CHRM2: variants seen among roughly 807,000 people sequenced by gnomAD.
The protein encoded by CHRM2 is muscarinic acetylcholine receptor M2.
A neutral mutation model predicts 25.0 loss-of-function variants in CHRM2; 8 were observed. That is an observed-to-expected ratio of 0.32 (90% CI 0.19 to 0.58). The LOEUF (loss-of-function observed/expected upper bound fraction) is 0.58, where lower values mean the gene tolerates loss of function less well. Ranked by LOEUF, CHRM2 falls within the 20% of genes least tolerant of loss-of-function variation. CHRM2 has a pLI of 0.88. For missense variants in CHRM2, 440 were observed against 567.1 expected (o/e 0.78, Z 2.28); for synonymous variants, 202 against 205.7 (o/e 0.98, Z 0.15).
chr7:136,906,984 A>T (rs750176251), intron 2 of CHRM2: 2 of 154,100 alleles, frequency 1.3e-5, no homozygotes, highest in Non-Finnish European at 2.9e-5. Flanking sequence ...GATGGGAGAC[A>T]GTGACAGGTC....
At chr7:137,004,042 G>A (rs140364426) in intron 3 of CHRM2, among the ~76,000 whole-genome samples, 3 of 152,140 alleles carry the variant, frequency 2.0e-5, no homozygotes, top group African/African-American at 4.8e-5. Context: ...TAAGTTACAC[G>A]GTCTTGGGTA....
At chr7:136,948,147 G>A (rs959056133) in intron 2 of CHRM2, among the ~76,000 whole-genome samples, 1 of 152,094 alleles carries the variant, frequency 6.6e-6, no homozygotes, top group Non-Finnish European at 1.5e-5. Context: ...CAAAGAGCCA[G>A]TGGCCCACAT....
chr7:136,900,922 T>G (rs1454480036), intron 2 of CHRM2, among the ~76,000 whole-genome samples: 2 of 151,978 alleles, frequency 1.3e-5, no homozygotes, highest in African/African-American at 4.8e-5. Context: ...ACCAAGAATG[T>G]GAGCTACACA....
intron 3 of CHRM2, among the ~76,000 whole-genome samples, chr7:136,998,416 G>T (rs1443681254): frequency 6.6e-6 from 1 of 152,118 alleles, no homozygotes; most frequent in African/African-American, 2.4e-5. Flanking sequence ...GATACACAGG[G>T]TACAGTATTT....
chr7:136,950,788 G>A (rs901384516), intron 2 of CHRM2, among the ~76,000 whole-genome samples: 2 of 150,512 alleles, frequency 1.3e-5, no homozygotes, highest in African/African-American at 2.5e-5. Flanking sequence ...CCAACCTGTT[G>A]TTGTTGTTGT....
At chr7:136,928,996 T>G (rs1798901570) in intron 2 of CHRM2, among the ~76,000 whole-genome samples, 1 of 152,192 alleles carries the variant, frequency 6.6e-6, no homozygotes, top group Non-Finnish European at 1.5e-5. Flanking sequence ...TGGTTATTGC[T>G]GTTGATCCAG....
chr7:136,928,103 T>G (rs1296394366), intron 2 of CHRM2, among the ~76,000 whole-genome samples: 1 of 152,094 alleles, frequency 6.6e-6, no homozygotes, highest in Admixed American at 6.6e-5. Context: ...ATTAAATGTA[T>G]AAGAACATTA....
At chr7:136,978,720 G>A (rs759983835) in intron 2 of CHRM2, among the ~76,000 whole-genome samples, 5 of 152,112 alleles carry the variant, frequency 3.3e-5, no homozygotes, top group Non-Finnish European at 5.9e-5. Flanking sequence ...CTGTTTCTGT[G>A]TTAGTTTGCT....
chr7:137,007,869 A>T (rs1365790998), intron 3 of CHRM2, among the ~76,000 whole-genome samples: 7 of 152,128 alleles, frequency 4.6e-5, no homozygotes, highest in Non-Finnish European at 1.0e-4. Context: ...TCCTTAAATA[A>T]GTCTCTCCAC....
intron 2 of CHRM2, among the ~76,000 whole-genome samples, chr7:136,887,855 T>C (rs1217353284): frequency 6.6e-6 from 1 of 152,196 alleles, no homozygotes; most frequent in Non-Finnish European, 1.5e-5. Flanking sequence ...TGTGTCCCCA[T>C]TTTACATTTG....
intron 2 of CHRM2, among the ~76,000 whole-genome samples, chr7:136,929,153 T>C (rs1213339999): frequency 2.0e-5 from 3 of 152,184 alleles, no homozygotes; most frequent in Non-Finnish European, 4.4e-5. Context: ...TATTGACTTA[T>C]CTTCTGGAAG....
intron 2 of CHRM2, among the ~76,000 whole-genome samples, chr7:136,959,917 C>A (rs562928881): frequency 6.6e-6 from 1 of 152,076 alleles, no homozygotes; most frequent in South Asian, 2.1e-4. Context: ...GTCCAAAAAA[C>A]AAAAACAAAA....
chr7:137,015,924 T>C lies in CHRM2; in HGVS notation c.1059T>C (p.Asn353=), dbSNP rs143722099. 54 of 1,612,994 alleles carry C rather than the reference T, an allele frequency of 3.3e-5. No individual in the cohort carries two copies. The African/African-American group carries it at 6.9e-4, about 21-fold the overall frequency. ...AGGTAGTGGGGTCTTCAGGTCAGAATGGAGATGAAAAGCAGAATATTGTAG... is the reference window on the plus strand; with the variant it reads ...AGGTAGTGGGGTCTTCAGGTCAGAACGGAGATGAAAAGCAGAATATTGTAG... ...TVEVVGSSGQ[N]GDEKQNIVAR... is the part of the protein sequence containing the mutation. Residue 353 remains asparagine (N), a synonymous_variant, in exon 4 of 4, where the codon AAT becomes AAC. Coordinates refer to ENST00000680005, the MANE Select transcript of CHRM2 (RefSeq NM_001006630.2). This position sits in a 1 kb window ranked among gnomAD's most constrained non-coding sequence, Gnocchi z 5.1.
At chr7:136,966,489 A>G (rs115912498) in intron 2 of CHRM2, among the ~76,000 whole-genome samples, 1 of 152,058 alleles carries the variant, frequency 6.6e-6, no homozygotes, top group African/African-American at 2.4e-5. Flanking sequence ...TCCTTTGAAT[A>G]AGGAGTAGGT....
intron 2 of CHRM2, among the ~76,000 whole-genome samples, chr7:136,883,246 G>A (rs1796335459): frequency 6.6e-6 from 1 of 152,120 alleles, no homozygotes; most frequent in African/African-American, 2.4e-5. Flanking sequence ...GAAGGTTTTG[G>A]CATCTTTCCC....
intron 2 of CHRM2, among the ~76,000 whole-genome samples, chr7:136,881,749 T>C (rs1796274132): frequency 6.6e-6 from 1 of 152,068 alleles, no homozygotes. Flanking sequence ...TTCTCTCTGT[T>C]GAAAGATTTA....
intron 2 of CHRM2, among the ~76,000 whole-genome samples, chr7:136,964,489 T>C (rs1208804481): frequency 2.6e-5 from 4 of 152,194 alleles, no homozygotes. Flanking sequence ...AAAACATTTC[T>C]CAATTGCCTG....
chr7:136,877,167 C>T (rs967993092), intron 2 of CHRM2, among the ~76,000 whole-genome samples: 3 of 151,992 alleles, frequency 2.0e-5, no homozygotes, highest in Non-Finnish European at 4.4e-5. Flanking sequence ...TATGTATTTT[C>T]CATTAGGGCC....
intron 2 of CHRM2, among the ~76,000 whole-genome samples, chr7:136,883,714 C>G (rs77955609): frequency 0.13 from 19,918 of 152,056 alleles, 1,550 homozygotes; most frequent in Non-Finnish European, 0.18. Flanking sequence ...TTTCACCTCT[C>G]CTCTTCTGTT....
Sources: allele counts gnomAD v4.1 joint callset (sites outside exome capture counted in the v4.1 genomes callset), GRCh38; gene constraint gnomAD v4.1.1; non-coding constraint Gnocchi (gnomAD v3.1); transcripts MANE v1.5; gene names NCBI Gene and HGNC (gene_info 2026-07-23, HGNC 2026-07-21).